The following DACH2 variants were observed in gnomAD, a reference collection of about 807,000 sequenced individuals.
DACH2 encodes the protein dachshund family transcription factor 2.
DACH2 carries 17 observed loss-of-function variants against 35.8 expected under a neutral mutation model. That is an observed-to-expected ratio of 0.48 (90% CI 0.33 to 0.71). DACH2 has a LOEUF of 0.71. DACH2 is among the 30% of genes least tolerant of loss of function. The pLI is 0.02. For synonymous variants in DACH2, 195 were observed against 177.3 expected, an observed-to-expected ratio of 1.10 and a Z score of -0.79; for missense variants, 469 against 472.7, an observed-to-expected ratio of 0.99 and a Z score of 0.07.
At chrX:86,599,411 CTTTTTCT>C (rs2039756666) in intron 3 of DACH2, among the ~76,000 whole-genome samples, 1 of 108,605 alleles carries the variant, frequency 9.2e-6, no homozygotes, top group African/African-American at 3.4e-5. Context: ...TTTCTTCTTT[CTTTTTCT>C]TTTTTCTTTC....
rs1450745054 is a variant in DACH2, at chrX:86,287,676, T to A, written c.489-89148T>A. Among the ~76,000 whole-genome samples, 4 of 112,304 alleles carry A rather than the reference T, an allele frequency of 3.6e-5. No individual in the cohort carries two copies. The Admixed American group carries it at 3.8e-4, about 11-fold the overall frequency. ...ACTTGATTGATTCTACTTTTAAGAC[T>A]CTAATGCATTCTTCAGTGTGCCAAT... On this transcript the variant is annotated intron_variant, in intron 1 of 11. Coordinates refer to ENST00000373125, the MANE Select transcript of DACH2 (RefSeq NM_053281.3).
chrX:86,683,920 G>A (rs1281894806), intron 4 of DACH2, among the ~76,000 whole-genome samples: 1 of 111,224 alleles, frequency 9.0e-6, no homozygotes, highest in Non-Finnish European at 1.9e-5. Context: ...AGAGTGGCCA[G>A]AATTCAACAT....
rs901717544 is a variant in DACH2, at chrX:86,665,069, A to G, written c.772+13902A>G. 7.2e-5 allele frequency among the ~76,000 whole-genome samples: 8 copies of G among 111,714 alleles called. No homozygotes were observed. The South Asian group carries it at 2.2e-3, about 31-fold the overall frequency. ...TTATTTTTACACATTTATCCCATGA[A>G]CAAAGTGTTTTCTTAACCATTTTGC... On this transcript the variant is annotated intron_variant, in intron 4 of 11. Coordinates refer to ENST00000373125, the MANE Select transcript of DACH2 (RefSeq NM_053281.3).
At chrX:86,391,452 T>C (rs2148118539) in intron 2 of DACH2, among the ~76,000 whole-genome samples, 1 of 110,307 alleles carries the variant, frequency 9.1e-6, no homozygotes, top group Non-Finnish European at 1.9e-5. Flanking sequence ...CTATTTGAAA[T>C]ATTGAATATA....
At chrX:86,238,973 A>G (rs1222603408) in intron 1 of DACH2, among the ~76,000 whole-genome samples, 2 of 111,312 alleles carry the variant, frequency 1.8e-5, no homozygotes, top group Non-Finnish European at 3.8e-5. Context: ...ATGAGGATTA[A>G]TGGGGTGACT....
chrX:86,433,813 T>C (rs2037023658), intron 2 of DACH2, among the ~76,000 whole-genome samples: 1 of 111,727 alleles, frequency 9.0e-6, no homozygotes, highest in South Asian at 3.7e-4. Flanking sequence ...CAGGTGTGTA[T>C]TGTAGTAAGA....
chrX:86,768,536 TG>T (rs1378182112), intron 7 of DACH2, among the ~76,000 whole-genome samples: 2 of 111,888 alleles, frequency 1.8e-5, no homozygotes, highest in Non-Finnish European at 3.8e-5. Flanking sequence ...TGGATTTTTT[TG>T]TAGGGCCACT....
chrX:86,738,446 G>T (rs2041619492), intron 6 of DACH2, among the ~76,000 whole-genome samples: 1 of 111,935 alleles, frequency 8.9e-6, no homozygotes. Context: ...ATGTTATAAT[G>T]ATTAGAATAA....
At chrX:86,317,429 A>T (rs2034934003) in intron 1 of DACH2, among the ~76,000 whole-genome samples, 4 of 112,163 alleles carry the variant, frequency 3.6e-5, no homozygotes, top group African/African-American at 1.3e-4. Flanking sequence ...TCCTTGAGAC[A>T]CAGCTGGAGA....
At chrX:86,515,331 G>A (rs1475036855) in intron 3 of DACH2, among the ~76,000 whole-genome samples, 2 of 110,521 alleles carry the variant, frequency 1.8e-5, no homozygotes, top group Non-Finnish European at 3.8e-5. Context: ...GGTAAGTTGG[G>A]TAATACTCCA....
rs186600686 is a variant in DACH2 at position 86,685,309 on chromosome X, T to A, written c.773-9712T>A. On this transcript the variant is annotated intron_variant, in intron 4 of 11. Coordinates refer to ENST00000373125, the MANE Select transcript of DACH2 (RefSeq NM_053281.3). Reference sequence around the variant, plus strand: ...CCTGCTGAAAACTCCTACTCTTTTTTTCCTCTGGATTCCTCTAATGATTGA... The same window carrying A: ...CCTGCTGAAAACTCCTACTCTTTTTATCCTCTGGATTCCTCTAATGATTGA... 5.5e-3 allele frequency among the ~76,000 whole-genome samples: 618 copies of A among 112,094 alleles called. 4 individuals carry two copies. Among genetic ancestry groups the A allele is most frequent in the African/African-American group, 0.019 (591 of 30,884 alleles).
At chrX:86,413,997 G>T (rs2036658312) in intron 2 of DACH2, among the ~76,000 whole-genome samples, 1 of 111,625 alleles carries the variant, frequency 9.0e-6, no homozygotes, top group South Asian at 3.8e-4. Context: ...TTTTCCCAAT[G>T]CACAGTTATC....
rs887195978 is a variant in DACH2, at chrX:86,266,327, C to A, written c.489-110497C>A. ...ATATTTCACTTTCATATTCAATTTA[C>A]CTGAACTGTGCTGGAAACACGGGTG... On this transcript the variant is annotated intron_variant, in intron 1 of 11. Transcript: ENST00000373125. Among the ~76,000 whole-genome samples, 3 of 111,428 alleles carry A rather than the reference C, an allele frequency of 2.7e-5. No individual in the cohort carries two copies. In the Admixed American group the frequency reaches 2.9e-4, roughly 11 times the overall value.
intron 7 of DACH2, among the ~76,000 whole-genome samples, chrX:86,777,493 T>C (rs900769999): frequency 1.1e-4 from 12 of 111,742 alleles, no homozygotes; most frequent in Non-Finnish European, 2.3e-4. Flanking sequence ...CACTTCCTGA[T>C]ATTAAGTGAC....
At chrX:86,164,786 G>T (rs1378631629) in intron 1 of DACH2, among the ~76,000 whole-genome samples, 3 of 110,939 alleles carry the variant, frequency 2.7e-5, no homozygotes, top group Admixed American at 9.6e-5. Flanking sequence ...CTGTTCCATT[G>T]GTCTGTGTGT....
At chrX:86,684,951 CTAAT>C (rs1229934766) in intron 4 of DACH2, among the ~76,000 whole-genome samples, 1 of 111,408 alleles carries the variant, frequency 9.0e-6, no homozygotes, top group East Asian at 2.8e-4. Flanking sequence ...AAGATTTTAA[CTAAT>C]AAATTTTATT....
chrX:86,715,872 A>G (rs1269152450), intron 6 of DACH2, among the ~76,000 whole-genome samples: 1 of 111,532 alleles, frequency 9.0e-6, no homozygotes, highest in Non-Finnish European at 1.9e-5. Flanking sequence ...CAATATTGAT[A>G]TGATTGTAAT....
At chrX:86,225,415 G>T (rs755527828) in intron 1 of DACH2, among the ~76,000 whole-genome samples, 27 of 110,848 alleles carry the variant, frequency 2.4e-4, no homozygotes, top group Non-Finnish European at 4.7e-4. Context: ...TTTATCCTGG[G>T]AATTACCTAG....
chrX:86,723,705 G>A (rs1602853196), intron 6 of DACH2, among the ~76,000 whole-genome samples: 1 of 111,705 alleles, frequency 9.0e-6, no homozygotes, highest in South Asian at 3.7e-4. Flanking sequence ...TTGTTCTGTG[G>A]CCAAGTATGT....
Sources: allele counts gnomAD v4.1 joint callset (sites outside exome capture counted in the v4.1 genomes callset), GRCh38; gene constraint gnomAD v4.1.1; transcripts MANE v1.5; gene names NCBI Gene and HGNC (gene_info 2026-07-23, HGNC 2026-07-21).